The following DLG2 variants were observed in gnomAD, a reference collection of about 807,000 sequenced individuals.
DLG2 encodes disks large homolog 2.
A neutral mutation model predicts 132.5 loss-of-function variants in DLG2; 45 were observed. The ratio of observed to expected loss-of-function variants is 0.34; its 90% confidence interval spans 0.27 to 0.44. DLG2 has a LOEUF of 0.44. Ranked by LOEUF, DLG2 falls within the 20% of genes least tolerant of loss-of-function variation. The pLI, the probability that DLG2 is intolerant of heterozygous loss-of-function variation, is 1.00. For synonymous variants in DLG2, 424 were observed against 419.6 expected (o/e 1.01, Z -0.13); for missense variants, 1,045 against 1,196.9 (o/e 0.87, Z 1.87).
At chr11:83,688,878 A>G (rs750692451) in intron 18 of DLG2, among the ~76,000 whole-genome samples, 36 of 152,098 alleles carry the variant, frequency 2.4e-4, no homozygotes, top group Admixed American at 5.9e-4. Flanking sequence ...GACCACTTCA[A>G]TCTATCCCTT....
At chr11:85,341,450 C>T (rs1460266922) in intron 3 of DLG2, among the ~76,000 whole-genome samples, 1 of 152,156 alleles carries the variant, frequency 6.6e-6, no homozygotes, top group Non-Finnish European at 1.5e-5. Flanking sequence ...AACAGTGTAT[C>T]ATCTGCGAGT....
chr11:85,285,488 T>C, intron 3 of DLG2, 123 bp from the exon 4 acceptor site: 1 of 795,242 alleles, frequency 1.3e-6, no homozygotes, highest in Non-Finnish European at 1.9e-6. Flanking sequence ...CATAAATATA[T>C]ATCCCAAAGT....
chr11:85,332,833 A>G (rs1490642398), intron 3 of DLG2, among the ~76,000 whole-genome samples: 2 of 152,110 alleles, frequency 1.3e-5, no homozygotes, highest in African/African-American at 2.4e-5. Flanking sequence ...TGCAAGTCCC[A>G]TGTTATTTTG....
Position 83,799,969 on chromosome 11 carries a change from C to T in DLG2, c.1723-13177G>A, listed in dbSNP as rs140920803. ...ATAAGAGTACCACATCACAGAGTTG[C>T]TGTAAGGTTAGATTAGTTAATACAT... On this transcript the variant is annotated intron_variant, in intron 17 of 27. Coordinates refer to ENST00000376104, the MANE Select transcript of DLG2 (RefSeq NM_001142699.3). Among the ~76,000 whole-genome samples, 372 of 152,174 alleles carry T rather than the reference C, an allele frequency of 2.4e-3. 7 individuals are homozygous for T. In the South Asian group the frequency reaches 0.046, roughly 19 times the overall value.
chr11:84,530,049 T>TC (rs2099331514), intron 7 of DLG2, among the ~76,000 whole-genome samples: 1 of 152,112 alleles, frequency 6.6e-6, no homozygotes, highest in South Asian at 2.1e-4. Flanking sequence ...GGGAAAGGAC[T>TC]CCCTAGTCAA....
chr11:83,767,033 A>G (rs1482574978), intron 18 of DLG2, among the ~76,000 whole-genome samples: 10 of 152,044 alleles, frequency 6.6e-5, no homozygotes, highest in Non-Finnish European at 1.0e-4. Flanking sequence ...CTCTTTTTCT[A>G]TCAAAAGGCC....
At chr11:83,573,867 C>A (rs2096836235) in intron 19 of DLG2, among the ~76,000 whole-genome samples, 1 of 151,984 alleles carries the variant, frequency 6.6e-6, no homozygotes. Context: ...TGCTTCGAGG[C>A]AGTATAACAC....
intron 18 of DLG2, among the ~76,000 whole-genome samples, chr11:83,662,712 T>G (rs973585371): frequency 9.9e-5 from 15 of 152,210 alleles, no homozygotes; most frequent in Admixed American, 2.6e-4. Context: ...GCCACCACCA[T>G]GCTTCCCACT....
chr11:85,273,087 TA>T (rs1450022655), intron 4 of DLG2, among the ~76,000 whole-genome samples: 5 of 152,162 alleles, frequency 3.3e-5, no homozygotes, highest in Non-Finnish European at 7.4e-5. Context: ...TCCTTACACT[TA>T]ATACAAAAAT....
At chr11:83,535,430 T>C (rs1039223968) in intron 20 of DLG2, among the ~76,000 whole-genome samples, 2 of 152,140 alleles carry the variant, frequency 1.3e-5, no homozygotes, top group Non-Finnish European at 2.9e-5. Flanking sequence ...GACAGAGCAT[T>C]CTAATACTGT....
intron 6 of DLG2, among the ~76,000 whole-genome samples, chr11:84,582,439 T>C: frequency 6.7e-6 from 1 of 148,772 alleles, no homozygotes; most frequent in East Asian, 1.9e-4. Flanking sequence ...TTAAAATACA[T>C]ATATATTATG....
intron 8 of DLG2, among the ~76,000 whole-genome samples, chr11:84,191,911 TA>T (rs879353524): frequency 1.8e-3 from 254 of 145,002 alleles, no homozygotes; most frequent in Non-Finnish European, 1.4e-3. Flanking sequence ...TGCTGAAACT[TA>T]AAAAAAAAAA....
At chr11:83,764,838 T>A (rs2094072548) in intron 18 of DLG2, among the ~76,000 whole-genome samples, 1 of 152,176 alleles carries the variant, frequency 6.6e-6, no homozygotes. Context: ...TACAATACTA[T>A]GGCCTTTGAA....
At chr11:84,546,386 A>C (rs1322959358) in intron 6 of DLG2, 1 of 194,352 alleles carries the variant, frequency 5.1e-6, no homozygotes, top group African/African-American at 2.3e-5. Flanking sequence ...AGCCCAACAG[A>C]GGCCAGCATC....
intron 15 of DLG2, among the ~76,000 whole-genome samples, chr11:83,910,943 T>C (rs933891333): frequency 2.0e-5 from 3 of 152,116 alleles, no homozygotes; most frequent in African/African-American, 7.2e-5. Flanking sequence ...TACATTAATA[T>C]AGTTAATGAG....
At chr11:85,550,879 C>T (rs1255187798) in intron 3 of DLG2, among the ~76,000 whole-genome samples, 1 of 152,178 alleles carries the variant, frequency 6.6e-6, no homozygotes, top group African/African-American at 2.4e-5. Context: ...ACATTAGTTG[C>T]TGAATGCCGT....
chr11:85,042,620 A>C (rs2061975863), intron 6 of DLG2, among the ~76,000 whole-genome samples: 1 of 152,032 alleles, frequency 6.6e-6, no homozygotes, highest in Admixed American at 6.6e-5. Context: ...TGCTTGACAC[A>C]AAAAGGTACT....
intron 7 of DLG2, among the ~76,000 whole-genome samples, chr11:84,522,138 A>T (rs549793462): frequency 4.1e-4 from 62 of 152,126 alleles, no homozygotes; most frequent in African/African-American, 1.4e-3. Flanking sequence ...ACTGCACTCC[A>T]GCCTGGGCGA....
intron 2 of DLG2, among the ~76,000 whole-genome samples, chr11:85,617,123 T>C (rs1035106340): frequency 6.6e-6 from 1 of 152,306 alleles, no homozygotes; most frequent in East Asian, 1.9e-4. Flanking sequence ...ACTTCTAACA[T>C]ACCTAAATTT....
Sources: gnomAD v4.1 joint callset for allele counts (sites outside exome capture counted in the v4.1 genomes callset) on GRCh38, gnomAD v4.1.1 for gene constraint, MANE v1.5 for transcripts, NCBI Gene and HGNC (gene_info 2026-07-23, HGNC 2026-07-21) for gene names.